CD9: variants seen among roughly 807,000 people sequenced by gnomAD.
CD9 encodes the protein CD9 molecule.
CD9 carries 10 observed loss-of-function variants against 31.4 expected under a neutral mutation model. The observed-to-expected ratio is 0.32, with a 90% confidence interval of 0.20 to 0.54. The LOEUF (loss-of-function observed/expected upper bound fraction) is 0.54, where lower values mean the gene tolerates loss of function less well. Ranked by LOEUF, CD9 falls within the 20% of genes least tolerant of loss-of-function variation. The probability of loss-of-function intolerance (pLI) is 0.94; values close to 1 mark genes in which losing one functional copy is unlikely to be tolerated. For missense variants in CD9, 259 were observed against 300.1 expected (o/e 0.86, Z 1.01); for synonymous variants, 113 against 114.1 (o/e 0.99, Z 0.06).
intron 1 of CD9, among the ~76,000 whole-genome samples, chr12:6,203,240 C>G (rs1946095255): frequency 6.6e-6 from 1 of 152,084 alleles, no homozygotes; most frequent in Non-Finnish European, 1.5e-5. Context: ...CTTTACCCAA[C>G]TGGTTTTGGC....
Position 6,232,797 on chromosome 12 carries a change from A to C in CD9, c.273+68A>C. Reference sequence around the variant, plus strand: ...CCAACAAAAACCTCAGCAGGCCCAGACCCAGACCACAGAACAGATGGAGGG... The same window carrying C: ...CCAACAAAAACCTCAGCAGGCCCAGCCCCAGACCACAGAACAGATGGAGGG... On this transcript the variant is annotated intron_variant, in intron 3 of 7. Transcript: ENST00000009180. This position sits in a 1 kb window ranked among gnomAD's most constrained non-coding sequence, Gnocchi z 4.8. 1 of 1,021,430 alleles carries C rather than the reference A, an allele frequency of 9.8e-7. No homozygotes were observed. The highest frequency in any genetic ancestry group is 2.0e-5 in the Admixed American group (1 of 49,800). 63.3% of individuals were successfully genotyped at this position (1,021,430 alleles called of 1,614,324 possible). A position where few individuals can be genotyped will look rare whatever the true frequency, so the allele number is the denominator to read the frequency against.
chr12:6,225,360 A>T, intron 1 of CD9, 66 bp from the exon 2 acceptor site: 1 of 1,032,148 alleles, frequency 9.7e-7, no homozygotes, highest in Non-Finnish European at 1.5e-6. Context: ...TCTCACCCTT[A>T]AGCGCGTGGG....
chr12:6,226,916 C>A (rs1225727806), intron 2 of CD9, among the ~76,000 whole-genome samples: 16 of 152,118 alleles, frequency 1.1e-4, no homozygotes, highest in Non-Finnish European at 2.2e-4. Context: ...CACTCCACGC[C>A]GTGTTCCAGA....
chr12:6,208,615 A>G (rs916506775), intron 1 of CD9, among the ~76,000 whole-genome samples: 3 of 151,444 alleles, frequency 2.0e-5, no homozygotes, highest in Non-Finnish European at 4.4e-5. Flanking sequence ...CTTGTTGCCC[A>G]GGCTGGAGTG....
chr12:6,210,948 A>AT (rs1421712648), intron 1 of CD9, among the ~76,000 whole-genome samples: 1 of 151,266 alleles, frequency 6.6e-6, no homozygotes, highest in East Asian at 1.9e-4. Context: ...GCGATTGAAC[A>AT]GCCTCAGCCT....
At chr12:6,209,078 C>T (rs183322826) in intron 1 of CD9, among the ~76,000 whole-genome samples, 2 of 152,180 alleles carry the variant, frequency 1.3e-5, no homozygotes, top group Non-Finnish European at 2.9e-5. Context: ...AAGTGATTCT[C>T]CCGCCTCAGC....
At position 6,232,667 on chromosome 12, in the gene CD9, A is replaced by G. The variant is rs777212002; in HGVS notation, c.211A>G (p.Met71Val). ...TCTGATCGGAGCCGGCGCCCTCATG[A>G]TGCTGGTGGGCTTCCTGGGCTGCTG... ...YILIGAGALM[M>V]LVGFLGCCGA... Residue 71 changes from methionine (M) to valine (V), a missense_variant, in exon 3 of 8, where the codon ATG (methionine) becomes GTG (valine). By Grantham distance (21) the Met-to-Val change is conservative (BLOSUM62 1). Coordinates refer to ENST00000009180, the MANE Select transcript of CD9 (RefSeq NM_001769.4). The surrounding 1 kb of genome is among the most constrained non-coding windows in gnomAD (Gnocchi z 4.8). The G allele has an allele frequency of 6.3e-6, 10 of 1,581,938 alleles. No individual in the cohort carries two copies. The African/African-American group carries it at 6.7e-5, about 11-fold the overall frequency.
intron 1 of CD9, among the ~76,000 whole-genome samples, chr12:6,208,677 T>C (rs1449753446): frequency 6.6e-6 from 1 of 152,030 alleles, no homozygotes; most frequent in Non-Finnish European, 1.5e-5. Flanking sequence ...GTTCAAGCCA[T>C]TCTCCTGCCT....
Position 6,230,281 on chromosome 12 carries a change from C to T in CD9, c.176-2351C>T, listed in dbSNP as rs578260503. On this transcript the variant is annotated intron_variant, in intron 2 of 7. Coordinates refer to ENST00000009180, the MANE Select transcript of CD9 (RefSeq NM_001769.4). ...CGCAAGATTTAAAGCCCACAAAACC[C>T]GTGATCCTAAAATCTTCCTCTGCTG... Among the ~76,000 whole-genome samples, 6 of 152,334 alleles carry T rather than the reference C, an allele frequency of 3.9e-5. No individual in the cohort carries two copies. In the South Asian group the frequency reaches 8.3e-4, roughly 21 times the overall value.
chr12:6,223,917 T>C (rs1396497384), intron 1 of CD9, among the ~76,000 whole-genome samples: 1 of 152,220 alleles, frequency 6.6e-6, no homozygotes, highest in Non-Finnish European at 1.5e-5. Flanking sequence ...GACTCGTCTT[T>C]GAACTCAGAA....
upstream of CD9, chr12:6,200,299 G>A (rs1025069208): frequency 1.6e-4 from 51 of 320,524 alleles, no homozygotes; most frequent in Non-Finnish European, 2.4e-4. Flanking sequence ...CGTGGCCGGC[G>A]GGGGGAGTGG....
At chr12:6,224,396 G>C (rs1946335057) in intron 1 of CD9, among the ~76,000 whole-genome samples, 1 of 152,106 alleles carries the variant, frequency 6.6e-6, no homozygotes, top group South Asian at 2.1e-4. Flanking sequence ...TGCAGGCGGA[G>C]GTCTGGGTGG....
chr12:6,231,121 C>T (rs75870885), intron 2 of CD9, among the ~76,000 whole-genome samples: 2,547 of 152,180 alleles, frequency 0.017, 71 homozygotes, highest in African/African-American at 0.059. Context: ...CTCTCGCGTG[C>T]GTGTTTTCAG....
At chr12:6,215,727 C>T (rs941649128) in intron 1 of CD9, among the ~76,000 whole-genome samples, 2 of 152,190 alleles carry the variant, frequency 1.3e-5, no homozygotes, top group Non-Finnish European at 2.9e-5. Context: ...TTCTCTAGGG[C>T]TGTGATCTCT....
At chr12:6,213,552 G>C (rs1387566482) in intron 1 of CD9, among the ~76,000 whole-genome samples, 1 of 152,232 alleles carries the variant, frequency 6.6e-6, no homozygotes, top group Non-Finnish European at 1.5e-5. Context: ...TCCACACCAA[G>C]AAGGGTGGCC....
chr12:6,236,019 C>G, intron 6 of CD9, 173 bp from the exon 7 acceptor site: 1 of 1,436,154 alleles, frequency 7.0e-7, no homozygotes, highest in Non-Finnish European at 9.1e-7. Flanking sequence ...ATAGCCATCC[C>G]TTTGTTCCCC....
intron 1 of CD9, 57 bp from the exon 2 acceptor site, chr12:6,225,369 G>A: frequency 8.8e-7 from 1 of 1,142,760 alleles, no homozygotes; most frequent in Non-Finnish European, 1.3e-6. Context: ...TAAGCGCGTG[G>A]GGACTGTGTT....
intron 6 of CD9, 122 bp downstream of exon 6, chr12:6,235,687 C>T (rs888954771): frequency 3.5e-6 from 5 of 1,442,410 alleles, no homozygotes; most frequent in Non-Finnish European, 2.7e-6. Context: ...TGAAAGGGCC[C>T]CAGGGCACCC....
At chr12:6,228,318 G>A (rs1482383633) in intron 2 of CD9, among the ~76,000 whole-genome samples, 2 of 152,116 alleles carry the variant, frequency 1.3e-5, no homozygotes, top group African/African-American at 2.4e-5. Flanking sequence ...TTGGGAGGCC[G>A]AGGCAGGCAG....
Sources: allele counts gnomAD v4.1 joint callset (sites outside exome capture counted in the v4.1 genomes callset), GRCh38; gene constraint gnomAD v4.1.1; non-coding constraint Gnocchi (gnomAD v3.1); transcripts MANE v1.5; gene names NCBI Gene and HGNC (gene_info 2026-07-23, HGNC 2026-07-21).